The following ATRX variants were observed in gnomAD, a reference collection of about 807,000 sequenced individuals.
ATRX encodes ATRX chromatin remodeler.
ATRX carries 12 observed loss-of-function variants against 172.6 expected under a neutral mutation model. The observed-to-expected ratio is 0.07, with a 90% CI of 0.04 to 0.11. The LOEUF (loss-of-function observed/expected upper bound fraction) is 0.11. Ranked by LOEUF, ATRX falls within the 10% of genes least tolerant of loss-of-function variation. The pLI is 1.00. For missense variants in ATRX, 1,368 were observed against 1,767.4 expected (o/e 0.77, Z 4.05); for synonymous variants, 674 against 594.7 (o/e 1.13, Z -1.94).
At chrX:77,614,619 G>A (rs937740636) in intron 22 of ATRX, among the ~76,000 whole-genome samples, 3 of 110,928 alleles carry the variant, frequency 2.7e-5, no homozygotes, top group Admixed American at 1.9e-4. Context: ...ACATATTTTG[G>A]GAGTGCATGT....
At chrX:77,533,746 C>G (rs782454193) in intron 30 of ATRX, among the ~76,000 whole-genome samples, 2 of 110,917 alleles carry the variant, frequency 1.8e-5, no homozygotes, top group South Asian at 7.7e-4. Flanking sequence ...ACCTGCATAA[C>G]AAAGCTGCAC....
rs2147763478 is a variant in ATRX at position 77,523,415 on chromosome X, T to G, written c.6700-14A>C. On this transcript the variant is annotated splice_polypyrimidine_tract_variant and intron_variant, in intron 30 of 34. Coordinates refer to ENST00000373344, the MANE Select transcript of ATRX (RefSeq NM_000489.6). ...AAGTATGGTATCCTGTTTAGAGGGG[T>G]TGAAATAAGAGACAATTATTTTTCC... The G allele has an allele frequency of 1.7e-6, 2 of 1,202,625 alleles. No individual in the cohort carries two copies. The highest frequency in any genetic ancestry group is 2.3e-6 in the Non-Finnish European group (2 of 887,762).
intron 15 of ATRX, among the ~76,000 whole-genome samples, chrX:77,641,803 A>G (rs1048755681): frequency 9.0e-6 from 1 of 111,140 alleles, no homozygotes; most frequent in African/African-American, 3.3e-5. Context: ...GAGGGGGGAA[A>G]ATAAGAAACC....
At chrX:77,512,120 T>C (rs782669592) in intron 34 of ATRX, among the ~76,000 whole-genome samples, 1 of 111,799 alleles carries the variant, frequency 8.9e-6, no homozygotes, top group South Asian at 3.8e-4. Context: ...CCAATACATC[T>C]GGCAGTAGAC....
chrX:77,748,932 T>C (rs920444493), intron 1 of ATRX, among the ~76,000 whole-genome samples: 1 of 111,537 alleles, frequency 9.0e-6, no homozygotes, highest in Non-Finnish European at 1.9e-5. Flanking sequence ...TTATTCCCTA[T>C]GACAGGCTAT....
At chrX:77,775,448 CAA>C (rs1353636415) in intron 1 of ATRX, among the ~76,000 whole-genome samples, 3 of 111,074 alleles carry the variant, frequency 2.7e-5, no homozygotes, top group African/African-American at 6.5e-5. Context: ...TTTGGGAGGC[CAA>C]AGAGGGCAGA....
chrX:77,643,159 A>T (rs1557111935), intron 15 of ATRX, among the ~76,000 whole-genome samples: 1 of 111,010 alleles, frequency 9.0e-6, no homozygotes. Flanking sequence ...TGTAAATTTT[A>T]TCTAACCTGT....
In ATRX at chrX:77,599,395, C is replaced by T. The variant is rs782016890; in HGVS notation, c.5956+16G>A. The T allele has an allele frequency of 2.4e-5, 29 of 1,206,649 alleles. No homozygotes were observed. In the East Asian group the frequency reaches 8.3e-4, roughly 35 times the overall value. On this transcript the variant is annotated intron_variant, in intron 25 of 34. Transcript: ENST00000373344. ...AATTACTGTTCCATGATAAAGGCAA[C>T]ATTCATTAGACTCACTTTCTTCCAG...
intron 28 of ATRX, among the ~76,000 whole-genome samples, chrX:77,568,418 C>T (rs970812471): frequency 2.7e-5 from 3 of 111,605 alleles, no homozygotes; most frequent in Admixed American, 9.5e-5. Flanking sequence ...ACTACAACAA[C>T]ACATTCAATA....
intron 33 of ATRX, 122 bp downstream of exon 33, chrX:77,521,281 C>T: frequency 1.8e-6 from 1 of 568,238 alleles, no homozygotes; most frequent in Non-Finnish European, 2.9e-6. Flanking sequence ...ATCCATTTTA[C>T]CAGTATTTTA....
rs968746123 is a variant in ATRX, at chrX:77,620,300, C to G, written c.5272+95G>C. 3.4e-5 allele frequency: 33 copies of G among 978,960 alleles called. No homozygotes were observed. In the South Asian group the frequency reaches 4.9e-4, roughly 15 times the overall value. The allele number at this position is 978,960 out of a possible 1,213,427, so 80.7% of individuals were successfully genotyped here. A position where few individuals can be genotyped will look rare whatever the true frequency, so the allele number is the denominator to read the frequency against. ...ATGTAGATCATGGTCTAGGACTATA[C>G]TAGAATAAGTAGAAGAAAGGTAAAT... is the stretch of plus-strand genomic sequence containing the variant. On this transcript the variant is annotated intron_variant, in intron 20 of 34. Transcript: ENST00000373344.
chrX:77,521,172 T>C (rs2063218371), intron 33 of ATRX: 1 of 435,146 alleles, frequency 2.3e-6, no homozygotes, highest in African/African-American at 2.4e-5. Flanking sequence ...AAACAATGCA[T>C]ACATTTCCAT....
At chrX:77,783,241 A>C (rs947901950) in intron 1 of ATRX, among the ~76,000 whole-genome samples, 4 of 112,080 alleles carry the variant, frequency 3.6e-5, no homozygotes. Context: ...TCTCAAAAAA[A>C]TAAATTTAAA....
Position 77,664,720 on chromosome X carries a change from C to T in ATRX, c.3868G>A (p.Gly1290Arg). 8.3e-7 allele frequency: 1 copy of T among 1,206,750 alleles called. No individual in the cohort carries two copies. Among genetic ancestry groups the T allele is most frequent in the South Asian group, 1.8e-5 (1 of 56,781 alleles). The change falls in exon 11 of 35, where the codon GGA becomes AGA. Residue 1290 changes from glycine (G) to arginine (R), a missense_variant. Coordinates refer to ENST00000373344, the MANE Select transcript of ATRX (RefSeq NM_000489.6). ...TCTTCTGGCTCATCATCTGAAGATC[C>T]ATCCTCATCAGAGGAAAGATTGGCT... Reference protein sequence around the residue: ...IKANLSSDEDGSSDDEPEEGK... With the variant: ...IKANLSSDEDRSSDDEPEEGK...
At chrX:77,744,019 A>G (rs1201315354) in intron 1 of ATRX, among the ~76,000 whole-genome samples, 1 of 112,806 alleles carries the variant, frequency 8.9e-6, no homozygotes, top group Non-Finnish European at 1.9e-5. Flanking sequence ...TTTATAGCCA[A>G]AGAAATCATA....
At position 77,608,757 on chromosome X, in the gene ATRX, A is replaced by C. The variant is rs782713832; in HGVS notation, c.5566+7856T>G. ...CAGATGGGATCATATCAAGTTAAAA[A>C]GCTTCTGCATAGGAAAGAATACAAT... On this transcript the variant is annotated intron_variant, in intron 22 of 34. Coordinates refer to ENST00000373344, the MANE Select transcript of ATRX (RefSeq NM_000489.6). 6.3e-5 allele frequency among the ~76,000 whole-genome samples: 7 copies of C among 111,905 alleles called. No individual in the cohort carries two copies. In the South Asian group the frequency reaches 2.6e-3, roughly 42 times the overall value.
chrX:77,516,760 C>T (rs782779911), intron 34 of ATRX, among the ~76,000 whole-genome samples: 12 of 111,879 alleles, frequency 1.1e-4, no homozygotes, highest in South Asian at 3.7e-4. Flanking sequence ...ACATTTCATC[C>T]AATGGTCACA....
intron 1 of ATRX, among the ~76,000 whole-genome samples, chrX:77,731,664 T>C (rs782073181): frequency 1.8e-5 from 2 of 111,508 alleles, no homozygotes; most frequent in Non-Finnish European, 3.8e-5. Context: ...ATCCTATGCT[T>C]ATAAAGACCC....
rs2148616519 is a variant in ATRX, at chrX:77,683,549, G to A, written c.1707C>T (p.Asp569=). 1.7e-6 allele frequency: 2 copies of A among 1,209,158 alleles called. No individual in the cohort carries two copies. Among genetic ancestry groups the A allele is most frequent in the Non-Finnish European group, 2.2e-6 (2 of 893,764 alleles). The change falls in exon 9 of 35, where the codon GAC becomes GAT. Residue 569 remains aspartate (D), a synonymous_variant. Coordinates refer to ENST00000373344, the MANE Select transcript of ATRX (RefSeq NM_000489.6). ...TTTTTGATTTAATACCTCCTCTGTT[G>A]TCTTTTGAAGAAATATTTAATTTTA... is the stretch of plus-strand genomic sequence containing the variant. ...SSVKLNISSK[D]NRGGIKSKTT...
Sources: gnomAD v4.1 joint callset for allele counts (sites outside exome capture counted in the v4.1 genomes callset) on GRCh38, gnomAD v4.1.1 for gene constraint, MANE v1.5 for transcripts, NCBI Gene and HGNC (gene_info 2026-07-23, HGNC 2026-07-21) for gene names.